PNO1: variants seen among roughly 807,000 people sequenced by gnomAD.
PNO1 encodes the protein partner of NOB1 homolog.
PNO1 carries 16 observed loss-of-function variants against 28.4 expected under a neutral mutation model. The ratio of observed to expected loss-of-function variants is 0.56; its 90% confidence interval spans 0.38 to 0.85. The LOEUF is 0.85. PNO1 is among the 40% of genes least tolerant of loss of function. The pLI, the probability that PNO1 is intolerant of heterozygous loss-of-function variation, is 0.00. For missense variants in PNO1, 304 were observed against 312.2 expected (o/e 0.97, Z 0.20); for synonymous variants, 115 against 110.8 (o/e 1.04, Z -0.24).
In PNO1 at chr2:68,174,922, AT is replaced by A; in HGVS notation, c.*122del. Reference sequence around the variant, plus strand: ...ATTTGAAGCCTCCGTCCCTTCTTCCATTCTCAGCCAGAAGCATAAACAGAAA... The same window carrying A: ...ATTTGAAGCCTCCGTCCCTTCTTCCATCTCAGCCAGAAGCATAAACAGAAA... On this transcript the variant is annotated 3_prime_UTR_variant, in exon 7 of 7. Coordinates refer to ENST00000263657, the MANE Select transcript of PNO1 (RefSeq NM_020143.4). The A allele has an allele frequency of 1.8e-6, 1 of 565,394 alleles. No homozygotes were observed. The highest frequency in any genetic ancestry group is 3.2e-6 in the Non-Finnish European group (1 of 312,162). 35.0% of individuals were successfully genotyped at this position (565,394 alleles called of 1,614,324 possible).
intron 2 of PNO1, 189 bp from the exon 3 acceptor site, chr2:68,161,494 G>A: frequency 5.3e-6 from 3 of 568,482 alleles, no homozygotes; most frequent in Non-Finnish European, 6.4e-6. Flanking sequence ...TTGGAGCTGG[G>A]AACGTTTTGT....
chr2:68,158,762 C>T (rs555041509), intron 2 of PNO1, among the ~76,000 whole-genome samples: 1 of 152,288 alleles, frequency 6.6e-6, no homozygotes, highest in South Asian at 2.1e-4. Flanking sequence ...ACTGGCTCTT[C>T]TTCTGTGTAT....
intron 1 of PNO1, 105 bp from the exon 2 acceptor site, chr2:68,158,275 T>C: frequency 2.9e-6 from 4 of 1,366,592 alleles, no homozygotes; most frequent in Non-Finnish European, 2.0e-6. Context: ...TTCTTTGAAG[T>C]GTAACTAGTT....
At chr2:68,171,681 C>T (rs1006329671) in intron 5 of PNO1, among the ~76,000 whole-genome samples, 3 of 152,060 alleles carry the variant, frequency 2.0e-5, no homozygotes, top group African/African-American at 4.8e-5. Flanking sequence ...TGGCAGTGAG[C>T]GAGGAGGCTT....
At chr2:68,160,126 G>A (rs1028244917) in intron 2 of PNO1, among the ~76,000 whole-genome samples, 11 of 151,558 alleles carry the variant, frequency 7.3e-5, no homozygotes, top group South Asian at 6.3e-4. Flanking sequence ...CCACCACCAC[G>A]CCCGGCTAAT....
chr2:68,165,384 A>C (rs1391199570), intron 5 of PNO1, among the ~76,000 whole-genome samples: 1 of 123,364 alleles, frequency 8.1e-6, no homozygotes, highest in South Asian at 2.4e-4. Context: ...AAAAAACAAC[A>C]AAAAAAAAAA....
At chr2:68,159,046 A>G (rs1673757700) in intron 2 of PNO1, among the ~76,000 whole-genome samples, 1 of 152,162 alleles carries the variant, frequency 6.6e-6, no homozygotes, top group Non-Finnish European at 1.5e-5. Flanking sequence ...ATTACTGAAT[A>G]TCAGTCATTT....
intron 5 of PNO1, among the ~76,000 whole-genome samples, chr2:68,166,161 G>A (rs1385993833): frequency 6.6e-6 from 1 of 151,942 alleles, no homozygotes; most frequent in African/African-American, 2.4e-5. Context: ...CTTTTTATTG[G>A]CAAGTACTAT....
chr2:68,161,497 C>T (rs1673829657), intron 2 of PNO1, 186 bp from the exon 3 acceptor site: 2 of 570,878 alleles, frequency 3.5e-6, no homozygotes, highest in Admixed American at 3.0e-5. Context: ...GAGCTGGGAA[C>T]GTTTTGTTTT....
chr2:68,168,960 CCTCT>C (rs1297433770), intron 5 of PNO1, among the ~76,000 whole-genome samples: 2 of 135,650 alleles, frequency 1.5e-5, no homozygotes, highest in Admixed American at 1.5e-4. Flanking sequence ...ATGGAGTCTC[CCTCT>C]ATCGCCAAGG....
intron 5 of PNO1, among the ~76,000 whole-genome samples, chr2:68,168,017 G>A (rs1674035261): frequency 6.6e-6 from 1 of 152,202 alleles, no homozygotes; most frequent in African/African-American, 2.4e-5. Context: ...ATTTGGAGAG[G>A]AAACTTTATT....
chr2:68,176,001 G>T lies in PNO1; in HGVS notation c.*1199G>T, dbSNP rs542895785. On this transcript the variant is annotated 3_prime_UTR_variant, in exon 7 of 7. Transcript: ENST00000263657. ...TGAAAGTGAAAAACAGAATGGTTGG[G>T]TACTTGAAATACAGCTTCTACTGAA... 1 of 152,180 alleles carries T rather than the reference G, an allele frequency of 6.6e-6. No individual in the cohort carries two copies. The highest frequency in any genetic ancestry group is 1.5e-5 in the Non-Finnish European group (1 of 68,026). The allele number at this position is 152,180 out of a possible 1,614,324, so 9.4% of individuals were successfully genotyped here.
rs764272968 is a variant in PNO1, at chr2:68,175,577, TGA to T, written c.*779_*780del. ...CGCCTGGCCTTGATGTGTGAATATT[TGA>T]GAGGTCATAAGCAGTGGTTTTGGCC... On this transcript the variant is annotated 3_prime_UTR_variant, in exon 7 of 7. Transcript: ENST00000263657. 1.3e-5 allele frequency: 2 copies of T among 152,242 alleles called. No homozygotes were observed. Among genetic ancestry groups the T allele is most frequent in the Non-Finnish European group, 2.9e-5 (2 of 68,070 alleles). The allele number at this position is 152,242 out of a possible 1,614,324, so 9.4% of individuals were successfully genotyped here. A position where few individuals can be genotyped will look rare whatever the true frequency, so the allele number is the denominator to read the frequency against.
intron 5 of PNO1, among the ~76,000 whole-genome samples, chr2:68,165,035 T>G (rs1355963061): frequency 6.6e-6 from 1 of 152,072 alleles, no homozygotes; most frequent in Admixed American, 6.6e-5. Flanking sequence ...CATCAAGTCA[T>G]GGACTGGCTG....
intron 1 of PNO1, 23 bp downstream of exon 1, chr2:68,158,164 C>T: frequency 6.4e-7 from 1 of 1,561,416 alleles, no homozygotes; most frequent in Non-Finnish European, 8.7e-7. Flanking sequence ...GACCCTAGGA[C>T]AGCAACGAGG....
At chr2:68,173,058 G>A (rs962855615) in intron 5 of PNO1, 22 of 267,550 alleles carry the variant, frequency 8.2e-5, no homozygotes, top group Admixed American at 3.8e-4. Context: ...ACTTAGGTAA[G>A]GAAATGCTTT....
chr2:68,161,881 T>C, intron 3 of PNO1, 115 bp downstream of exon 3: 1 of 692,916 alleles, frequency 1.4e-6, no homozygotes, highest in East Asian at 2.7e-5. Flanking sequence ...ACACCTGTAA[T>C]CTCAGCACTC....
At chr2:68,168,455 C>G (rs183602806) in intron 5 of PNO1, among the ~76,000 whole-genome samples, 26 of 152,224 alleles carry the variant, frequency 1.7e-4, no homozygotes, top group Non-Finnish European at 3.1e-4. Flanking sequence ...GTTTGTGGAA[C>G]AGAGTGTGGG....
At chr2:68,163,799 C>T (rs574093469) in intron 5 of PNO1, among the ~76,000 whole-genome samples, 1 of 152,160 alleles carries the variant, frequency 6.6e-6, no homozygotes, top group East Asian at 1.9e-4. Flanking sequence ...AATAAAGGTG[C>T]CAGAAGTGAA....
Sources: allele counts gnomAD v4.1 joint callset (sites outside exome capture counted in the v4.1 genomes callset), GRCh38; gene constraint gnomAD v4.1.1; transcripts MANE v1.5; gene names NCBI Gene and HGNC (gene_info 2026-07-23, HGNC 2026-07-21).